MCF2L2: variants seen among roughly 807,000 people sequenced by gnomAD.
The protein encoded by MCF2L2 is probable guanine nucleotide exchange factor MCF2L2.
In MCF2L2, 102 loss-of-function variants were observed where a neutral mutation model predicts 150.2. The observed-to-expected ratio is 0.68, with a 90% CI of 0.58 to 0.80. The LOEUF (loss-of-function observed/expected upper bound fraction) is 0.80, where lower values mean the gene tolerates loss of function less well. Among genes scored for constraint, MCF2L2 ranks in the 30% least tolerant of loss-of-function variants. MCF2L2 has a pLI of 0.00. For missense variants in MCF2L2, 1,256 were observed against 1,372.8 expected, an observed-to-expected ratio of 0.91 and a Z score of 1.34; for synonymous variants, 465 against 491.3, an observed-to-expected ratio of 0.95 and a Z score of 0.71.
chr3:183,363,296 T>G (rs115907891), intron 3 of MCF2L2, among the ~76,000 whole-genome samples: 280 of 152,222 alleles, frequency 1.8e-3, no homozygotes, highest in African/African-American at 6.3e-3. Flanking sequence ...TACCATAAGA[T>G]CCATTAATTT....
intron 3 of MCF2L2, among the ~76,000 whole-genome samples, chr3:183,344,301 G>A (rs6796858): frequency 0.26 from 38,849 of 151,986 alleles, 7,168 homozygotes; most frequent in African/African-American, 0.52. Flanking sequence ...CTCAATAAAG[G>A]AGATAAACAG....
At chr3:183,408,027 A>C (rs1295756954) in intron 1 of MCF2L2, among the ~76,000 whole-genome samples, 4 of 152,198 alleles carry the variant, frequency 2.6e-5, no homozygotes, top group Non-Finnish European at 1.5e-5. Context: ...TTTGACACAA[A>C]GATGCCTCCG....
chr3:183,362,491 A>C (rs1186248948), intron 3 of MCF2L2, among the ~76,000 whole-genome samples: 2 of 152,102 alleles, frequency 1.3e-5, no homozygotes, highest in African/African-American at 4.8e-5. Context: ...GGAATCAAAG[A>C]GGCATTCTTG....
intron 5 of MCF2L2, among the ~76,000 whole-genome samples, chr3:183,325,278 GA>G (rs947615421): frequency 1.1e-4 from 17 of 151,012 alleles, no homozygotes; most frequent in East Asian, 3.9e-4. Context: ...AATAATAAAA[GA>G]AAAAAAAGTG....
intron 10 of MCF2L2, among the ~76,000 whole-genome samples, chr3:183,301,231 C>T (rs1299058062): frequency 2.6e-5 from 4 of 152,078 alleles, no homozygotes; most frequent in Admixed American, 2.0e-4. Flanking sequence ...ATTTGCCAAA[C>T]ACTGTCATAG....
chr3:183,182,020 C>T (rs988021785), intron 27 of MCF2L2, among the ~76,000 whole-genome samples: 14 of 152,066 alleles, frequency 9.2e-5, no homozygotes, highest in Admixed American at 3.3e-4. Context: ...AGCTGCTTTC[C>T]CTGCTCTCGC....
intron 1 of MCF2L2, among the ~76,000 whole-genome samples, chr3:183,397,519 G>A (rs1382454433): frequency 6.6e-6 from 1 of 152,144 alleles, no homozygotes; most frequent in Non-Finnish European, 1.5e-5. Context: ...CACCTCGGGG[G>A]TTAGGTTTCA....
intron 15 of MCF2L2, among the ~76,000 whole-genome samples, chr3:183,232,040 G>A (rs545425093): frequency 6.6e-6 from 1 of 152,320 alleles, no homozygotes; most frequent in South Asian, 2.1e-4. Context: ...AGGTAATCCA[G>A]TTGGGCCTGT....
intron 22 of MCF2L2, among the ~76,000 whole-genome samples, chr3:183,215,745 T>C (rs1722887352): frequency 1.3e-5 from 2 of 152,170 alleles, no homozygotes; most frequent in South Asian, 4.1e-4. Flanking sequence ...AGTGGGTCAG[T>C]CCCACATTCA....
At chr3:183,281,266 A>G (rs1396404057) in intron 14 of MCF2L2, among the ~76,000 whole-genome samples, 6 of 152,068 alleles carry the variant, frequency 3.9e-5, no homozygotes, top group Admixed American at 2.6e-4. Flanking sequence ...AGGGTGTTCT[A>G]CATGACGCAG....
Position 183,428,045 on chromosome 3 carries a change from T to G in MCF2L2, c.-68A>C, listed in dbSNP as rs73068989. ...TGTTTCTACCGCTGCGGTGGATGAT[T>G]TTTTAAAGGCATCTCCGCCCAAGGA... On this transcript the variant is annotated 5_prime_UTR_variant, in exon 1 of 30. Coordinates refer to ENST00000328913, the MANE Select transcript of MCF2L2 (RefSeq NM_015078.4). The surrounding 1 kb of genome is among the most constrained non-coding windows in gnomAD (Gnocchi z 5.1). 3,445 of 1,226,280 alleles carry G rather than the reference T, an allele frequency of 2.8e-3. 78 individuals carry two copies. The African/African-American group carries it at 0.045, about 16-fold the overall frequency. The allele number at this position is 1,226,280 out of a possible 1,614,324, so 76.0% of individuals were successfully genotyped here.
chr3:183,293,971 T>C (rs551432193), intron 13 of MCF2L2, among the ~76,000 whole-genome samples: 1 of 152,310 alleles, frequency 6.6e-6, no homozygotes, highest in East Asian at 1.9e-4. Flanking sequence ...TATTCAGGAA[T>C]TGGAAAAGTC....
intron 5 of MCF2L2, among the ~76,000 whole-genome samples, chr3:183,335,288 TTATATG>T (rs1361598433): frequency 2.0e-5 from 3 of 152,012 alleles, no homozygotes; most frequent in African/African-American, 7.3e-5. Flanking sequence ...ATGGATCTCT[TTATATG>T]TATATTTATT....
intron 22 of MCF2L2, among the ~76,000 whole-genome samples, chr3:183,209,141 C>T (rs1722599320): frequency 6.6e-6 from 1 of 152,230 alleles, no homozygotes; most frequent in Non-Finnish European, 1.5e-5. Context: ...AATTTTTTCA[C>T]TCTATCTGCA....
At chr3:183,216,884 C>A (rs377445574) in intron 21 of MCF2L2, among the ~76,000 whole-genome samples, 1 of 151,222 alleles carries the variant, frequency 6.6e-6, no homozygotes, top group South Asian at 2.1e-4. Flanking sequence ...GGATTACAGG[C>A]GTAAGCCACT....
intron 27 of MCF2L2, among the ~76,000 whole-genome samples, chr3:183,187,125 G>A (rs1721725153): frequency 6.6e-6 from 1 of 151,890 alleles, no homozygotes; most frequent in Admixed American, 6.6e-5. Context: ...GCCCCAATAA[G>A]TTTGAATAAC....
chr3:183,239,498 T>G, intron 15 of MCF2L2, among the ~76,000 whole-genome samples: 1 of 151,920 alleles, frequency 6.6e-6, no homozygotes, highest in East Asian at 1.9e-4. Flanking sequence ...GCAAGAAAGA[T>G]CATTAAGGAT....
In MCF2L2 at chr3:183,316,026, G is replaced by A. The variant is rs553313523; in HGVS notation, c.753+2042C>T. On this transcript the variant is annotated intron_variant, in intron 7 of 29. Coordinates refer to ENST00000328913, the MANE Select transcript of MCF2L2 (RefSeq NM_015078.4). ...ACAGCTCAGTTTCACAGTCCTTGCC[G>A]CGCTGGGCGTCCTTCCCATGACACC... 1.3e-4 allele frequency among the ~76,000 whole-genome samples: 20 copies of A among 152,248 alleles called. No individual in the cohort carries two copies. The South Asian group carries it at 3.5e-3, about 27-fold the overall frequency.
At position 183,212,963 on chromosome 3, in the gene MCF2L2, G is replaced by A. The variant is rs1176435606; in HGVS notation, c.2496+3006C>T. ...ATAGGTATTGTGGGGGGGTGGGGGG[G>A]GTGGGGGGGTGGGGAATGAAGAAGA... On this transcript the variant is annotated intron_variant, in intron 22 of 29. Coordinates refer to ENST00000328913, the MANE Select transcript of MCF2L2 (RefSeq NM_015078.4). Among the ~76,000 whole-genome samples, 4 of 121,514 alleles carry A rather than the reference G, an allele frequency of 3.3e-5. No individual in the cohort carries two copies. The Admixed American group carries it at 3.3e-4, about 10-fold the overall frequency. The allele number at this position is 121,514 out of a possible 152,430, so 79.7% of individuals were successfully genotyped here. A position where few individuals can be genotyped will look rare whatever the true frequency, so the allele number is the denominator to read the frequency against.
Sources: allele counts gnomAD v4.1 joint callset (sites outside exome capture counted in the v4.1 genomes callset), GRCh38; gene constraint gnomAD v4.1.1; non-coding constraint Gnocchi (gnomAD v3.1); transcripts MANE v1.5; gene names NCBI Gene and HGNC (gene_info 2026-07-23, HGNC 2026-07-21).